The following CDH12 variants were observed in gnomAD, a reference collection of about 807,000 sequenced individuals.
The protein encoded by CDH12 is cadherin-12.
CDH12 carries 41 observed loss-of-function variants against 74.1 expected under a neutral mutation model. The ratio of observed to expected loss-of-function variants is 0.55; its 90% confidence interval spans 0.43 to 0.72. The LOEUF (loss-of-function observed/expected upper bound fraction) is 0.72, where lower values mean the gene tolerates loss of function less well. Ranked by LOEUF, CDH12 falls within the 30% of genes least tolerant of loss-of-function variation. The pLI is 0.00. For synonymous variants in CDH12, 399 were observed against 355.0 expected (o/e 1.12, Z -1.39); for missense variants, 945 against 977.2 (o/e 0.97, Z 0.44).
At chr5:22,063,841 C>T (rs961588847) in intron 5 of CDH12, among the ~76,000 whole-genome samples, 4 of 152,050 alleles carry the variant, frequency 2.6e-5, no homozygotes, top group African/African-American at 9.7e-5. Context: ...ATTCTGCCAG[C>T]GTACTGCCTT....
chr5:22,110,911 A>C (rs1744774037), intron 4 of CDH12, among the ~76,000 whole-genome samples: 2 of 152,138 alleles, frequency 1.3e-5, no homozygotes, highest in Non-Finnish European at 2.9e-5. Flanking sequence ...AGCCCAAAAT[A>C]ATTAAAGACA....
At chr5:22,623,862 T>C (rs1164101648) in intron 1 of CDH12, among the ~76,000 whole-genome samples, 1 of 152,072 alleles carries the variant, frequency 6.6e-6, no homozygotes, top group East Asian at 1.9e-4. Flanking sequence ...GCCAAGACAA[T>C]CCTAAGCCAA....
chr5:22,309,600 C>A (rs987344243), intron 3 of CDH12, among the ~76,000 whole-genome samples: 1 of 152,046 alleles, frequency 6.6e-6, no homozygotes, highest in Non-Finnish European at 1.5e-5. Flanking sequence ...CGTGTGTGTG[C>A]TAAGACCACC....
At chr5:22,047,646 A>G (rs1002443913) in intron 5 of CDH12, among the ~76,000 whole-genome samples, 8 of 152,140 alleles carry the variant, frequency 5.3e-5, no homozygotes, top group African/African-American at 1.9e-4. Context: ...AGGTGCTGGC[A>G]TCTACTTCCA....
rs150976009 is a variant in CDH12 at position 22,654,178 on chromosome 5, C to CTTCT, written c.-522-148818_-522-148815dup. On this transcript the variant is annotated intron_variant, in intron 1 of 14. Coordinates refer to ENST00000382254, the MANE Select transcript of CDH12 (RefSeq NM_004061.5). ...CTTCCTTCCCTCCCTTCCTTCCTTT[C>CTTCT]TTCTTTCTTTCTTTCTTTCTTTTCT... 1.7e-3 allele frequency among the ~76,000 whole-genome samples: 254 copies of CTTCT among 147,402 alleles called. No homozygotes were observed. The South Asian group carries it at 0.02, about 11-fold the overall frequency.
intron 4 of CDH12, among the ~76,000 whole-genome samples, chr5:22,111,385 C>T (rs1367088755): frequency 6.6e-6 from 1 of 152,140 alleles, no homozygotes; most frequent in African/African-American, 2.4e-5. Flanking sequence ...TTATATGTAG[C>T]TGCTTTCCCG....
chr5:22,535,841 G>T (rs901135363), intron 1 of CDH12, among the ~76,000 whole-genome samples: 3 of 152,106 alleles, frequency 2.0e-5, no homozygotes, highest in Middle Eastern at 3.2e-3. Flanking sequence ...CTGTATTCAT[G>T]GGCTCTGCAT....
At chr5:22,071,794 T>C (rs1173878797) in intron 5 of CDH12, among the ~76,000 whole-genome samples, 1 of 152,138 alleles carries the variant, frequency 6.6e-6, no homozygotes, top group African/African-American at 2.4e-5. Flanking sequence ...ACACCAATTA[T>C]TTCATTTCTT....
chr5:22,814,362 TA>T (rs1443687418), intron 1 of CDH12, among the ~76,000 whole-genome samples: 11 of 152,166 alleles, frequency 7.2e-5, no homozygotes, highest in African/African-American at 1.7e-4. Flanking sequence ...AACTACATAT[TA>T]AATAGACAAA....
At chr5:21,832,396 G>T (rs1345325091) in intron 8 of CDH12, among the ~76,000 whole-genome samples, 2 of 151,922 alleles carry the variant, frequency 1.3e-5, no homozygotes, top group Admixed American at 1.3e-4. Flanking sequence ...CCTATATAGA[G>T]CCTAGTAAAA....
chr5:21,882,296 G>A (rs1256388562), intron 6 of CDH12, among the ~76,000 whole-genome samples: 2 of 152,124 alleles, frequency 1.3e-5, no homozygotes, highest in Admixed American at 1.3e-4. Flanking sequence ...CACATGCACA[G>A]CCACACACAG....
At chr5:22,155,373 G>A (rs1747960463) in intron 4 of CDH12, among the ~76,000 whole-genome samples, 1 of 152,012 alleles carries the variant, frequency 6.6e-6, no homozygotes, top group African/African-American at 2.4e-5. Flanking sequence ...CATATAATTG[G>A]AGAGCTAAGA....
intron 1 of CDH12, among the ~76,000 whole-genome samples, chr5:22,605,106 CTTCA>C (rs1434165784): frequency 1.3e-5 from 2 of 152,150 alleles, no homozygotes; most frequent in African/African-American, 2.4e-5. Flanking sequence ...ATTTTATGGG[CTTCA>C]TTCAGTCAGT....
intron 2 of CDH12, among the ~76,000 whole-genome samples, chr5:22,420,897 T>C (rs1313577239): frequency 6.6e-6 from 1 of 152,174 alleles, no homozygotes; most frequent in Non-Finnish European, 1.5e-5. Flanking sequence ...CTTGAAGAGG[T>C]CCTTCACATC....
rs571154157 is a variant in CDH12, at chr5:22,657,646, A to G, written c.-522-152282T>C. 2.6e-5 allele frequency among the ~76,000 whole-genome samples: 4 copies of G among 152,276 alleles called. No homozygotes were observed. In the South Asian group the frequency reaches 8.3e-4, roughly 32 times the overall value. ...TTGATAGGGAAATATTTCTATGGTGACATTTATCACTAACAAATGAATTAT... is the reference window on the plus strand; with the variant it reads ...TTGATAGGGAAATATTTCTATGGTGGCATTTATCACTAACAAATGAATTAT... On this transcript the variant is annotated intron_variant, in intron 1 of 14. Coordinates refer to ENST00000382254, the MANE Select transcript of CDH12 (RefSeq NM_004061.5).
intron 1 of CDH12, among the ~76,000 whole-genome samples, chr5:22,631,913 T>C (rs956426847): frequency 6.6e-6 from 1 of 152,062 alleles, no homozygotes; most frequent in African/African-American, 2.4e-5. Context: ...TTAAACCATT[T>C]ATGAAGGATG....
At chr5:22,766,321 CTTCA>C (rs1458867784) in intron 1 of CDH12, among the ~76,000 whole-genome samples, 3 of 151,890 alleles carry the variant, frequency 2.0e-5, no homozygotes, top group Non-Finnish European at 4.4e-5. Context: ...TTTCTCATAG[CTTCA>C]TTTAGAGTTA....
chr5:22,747,449 C>T (rs1745347634), intron 1 of CDH12, among the ~76,000 whole-genome samples: 1 of 148,990 alleles, frequency 6.7e-6, no homozygotes, highest in Non-Finnish European at 1.5e-5. Flanking sequence ...CAAAGTGAGA[C>T]CCTGTCTGTA....
chr5:22,379,385 A>G (rs971793216), intron 3 of CDH12, among the ~76,000 whole-genome samples: 1 of 152,178 alleles, frequency 6.6e-6, no homozygotes, highest in Non-Finnish European at 1.5e-5. Context: ...AGTGTCCAAA[A>G]TTTCCACATC....
Sources: gnomAD v4.1 joint callset for allele counts (sites outside exome capture counted in the v4.1 genomes callset) on GRCh38, gnomAD v4.1.1 for gene constraint, MANE v1.5 for transcripts, NCBI Gene and HGNC (gene_info 2026-07-23, HGNC 2026-07-21) for gene names.